PWWP2A: variants seen among roughly 807,000 people sequenced by gnomAD.
PWWP2A encodes PWWP domain containing 2A.
A neutral mutation model predicts 48.5 loss-of-function variants in PWWP2A; 18 were observed. The observed-to-expected ratio is 0.37, with a 90% CI of 0.26 to 0.55. The LOEUF (loss-of-function observed/expected upper bound fraction) is 0.55, where lower values mean the gene tolerates loss of function less well. Ranked by LOEUF, PWWP2A falls within the 20% of genes least tolerant of loss-of-function variation. The pLI is 0.81. For missense variants in PWWP2A, 867 were observed against 976.4 expected (o/e 0.89, Z 1.49); for synonymous variants, 396 against 387.7 (o/e 1.02, Z -0.25).
At chr5:160,107,557 C>T (rs372682907) in intron 1 of PWWP2A, among the ~76,000 whole-genome samples, 4 of 151,226 alleles carry the variant, frequency 2.6e-5, no homozygotes, top group South Asian at 2.1e-4. Context: ...GAAATTAACT[C>T]AGCCATTACA....
At chr5:160,094,145 A>G in intron 1 of PWWP2A, 80 bp from the exon 2 acceptor site, 1 of 1,392,078 alleles carries the variant, frequency 7.2e-7, no homozygotes, top group South Asian at 1.6e-5. Flanking sequence ...ACAACATCTG[A>G]TGCTTATTTA....
At chr5:160,118,668 C>T (rs574606087) in intron 1 of PWWP2A, 137 bp downstream of exon 1, 9 of 882,744 alleles carry the variant, frequency 1.0e-5, no homozygotes, top group African/African-American at 7.1e-5. Context: ...TCGGAGCGCG[C>T]GCCACGCGCC....
intron 1 of PWWP2A, among the ~76,000 whole-genome samples, chr5:160,095,107 T>C (rs963652009): frequency 7.7e-6 from 1 of 130,082 alleles, no homozygotes; most frequent in African/African-American, 2.8e-5. Context: ...CATGCATCCA[T>C]ATATACATAA....
chr5:160,090,591 TC>T (rs565569384), downstream of PWWP2A: 495 of 984,798 alleles, frequency 5.0e-4, 4 homozygotes, highest in African/African-American at 7.5e-3. Context: ...TTGAGTGAGT[TC>T]CCCATAAGAA....
At chr5:160,066,868 A>ATC (rs1484647423) in exon 3 of PWWP2A, 2 of 151,904 alleles carry the variant, frequency 1.3e-5, no homozygotes, top group East Asian at 3.9e-4. Flanking sequence ...GCAAGGTTCC[A>ATC]TCTCTACAAA....
downstream of PWWP2A, among the ~76,000 whole-genome samples, chr5:160,059,040 TG>T (rs1440608371): frequency 6.6e-6 from 1 of 152,212 alleles, no homozygotes; most frequent in Non-Finnish European, 1.5e-5. Flanking sequence ...CTAAGATTTT[TG>T]GAATGGTAAA....
chr5:160,111,383 GT>G (rs1488569992), intron 1 of PWWP2A, among the ~76,000 whole-genome samples: 1 of 152,056 alleles, frequency 6.6e-6, no homozygotes, highest in Non-Finnish European at 1.5e-5. Flanking sequence ...GGTCAGGCTG[GT>G]CTTGAACTCC....
Position 160,078,447 on chromosome 5 carries a change from G to GT in PWWP2A, c.1670-280dup, listed in dbSNP as rs901495666. On this transcript the variant is annotated intron_variant, in intron 3 of 3. Transcript: ENST00000456329. The surrounding 1 kb of genome is among the most constrained non-coding windows in gnomAD (Gnocchi z 4.2). ...TTACATAATCAATGTGCACTTGAGT[G>GT]TTTTTTTAAAATACTTGCTTATAAA... 1.3e-5 allele frequency among the ~76,000 whole-genome samples: 2 copies of GT among 152,092 alleles called. No homozygotes were observed. The highest frequency in any genetic ancestry group is 1.9e-4 in the East Asian group (1 of 5,194).
chr5:160,073,115 T>G (rs1166663402), downstream of PWWP2A, among the ~76,000 whole-genome samples: 1 of 151,994 alleles, frequency 6.6e-6, no homozygotes, highest in Non-Finnish European at 1.5e-5. Context: ...CACCTCATTT[T>G]GCCAATAAGG....
chr5:160,049,408 C>T, the PWWP2A span: 1 of 1,121,818 alleles, frequency 8.9e-7, no homozygotes, highest in African/African-American at 1.6e-5. Context: ...GCAAATGACT[C>T]TTCCTTTCGT....
chr5:160,095,710 T>C (rs1283036344), intron 1 of PWWP2A, among the ~76,000 whole-genome samples: 1 of 70,084 alleles, frequency 1.4e-5, no homozygotes, highest in African/African-American at 5.4e-5. Flanking sequence ...TTTTTTTTTT[T>C]AAAGACAAGA....
At chr5:160,081,470 C>T (rs1754230236) in intron 2 of PWWP2A, among the ~76,000 whole-genome samples, 2 of 152,102 alleles carry the variant, frequency 1.3e-5, no homozygotes, top group African/African-American at 2.4e-5. Context: ...AAACTCCTGA[C>T]CTCAGGTGAT....
At chr5:160,117,357 T>C (rs1051703113) in intron 1 of PWWP2A, among the ~76,000 whole-genome samples, 2 of 151,974 alleles carry the variant, frequency 1.3e-5, no homozygotes, top group African/African-American at 4.8e-5. Flanking sequence ...AAATTATTTT[T>C]AAAAAAGATA....
chr5:160,082,324 G>A (rs1244290649), intron 2 of PWWP2A, among the ~76,000 whole-genome samples: 1 of 151,614 alleles, frequency 6.6e-6, no homozygotes, highest in African/African-American at 2.4e-5. Context: ...GGCGCCTGTA[G>A]TCCCAGCTAC....
intron 1 of PWWP2A, among the ~76,000 whole-genome samples, chr5:160,104,527 G>A (rs111525261): frequency 0.013 from 1,953 of 152,244 alleles, 48 homozygotes; most frequent in African/African-American, 0.045. Flanking sequence ...ACGTGGCCAG[G>A]CACAGTGGCT....
rs1299303058 is a variant in PWWP2A, at chr5:160,068,842, C to T, written c.*80-1971G>A. On this transcript the variant is annotated intron_variant and NMD_transcript_variant, in intron 2 of 5. Coordinates refer to the PWWP2A transcript ENST00000524050. ...ACAACCATCAGTATTCAAAAGTCTT[C>T]TAATTCTGTGCCATTTAATGCCTGT... 2.6e-5 allele frequency among the ~76,000 whole-genome samples: 4 copies of T among 152,274 alleles called. No homozygotes were observed. In the South Asian group the frequency reaches 8.3e-4, roughly 32 times the overall value.
At chr5:160,084,897 T>A (rs1754509642) in intron 2 of PWWP2A, among the ~76,000 whole-genome samples, 1 of 151,812 alleles carries the variant, frequency 6.6e-6, no homozygotes, top group South Asian at 2.1e-4. Context: ...TTACCTGACA[T>A]CCCTAGGCTT....
At chr5:160,045,887 C>T in the PWWP2A span, among the ~76,000 whole-genome samples, 4 of 151,996 alleles carry the variant, frequency 2.6e-5, no homozygotes, top group Non-Finnish European at 4.4e-5. Flanking sequence ...GGACTACGGG[C>T]GCATGCCACC....
chr5:160,063,402 A>G (rs1434007714), intron 5 of PWWP2A: 1 of 152,488 alleles, frequency 6.6e-6, no homozygotes, highest in Non-Finnish European at 1.5e-5. Flanking sequence ...TTTTGTAGAT[A>G]CAGGGTCTCC....
Sources: allele counts gnomAD v4.1 joint callset (sites outside exome capture counted in the v4.1 genomes callset), GRCh38; gene constraint gnomAD v4.1.1; non-coding constraint Gnocchi (gnomAD v3.1); transcripts MANE v1.5; gene names NCBI Gene and HGNC (gene_info 2026-07-23, HGNC 2026-07-21).